Variants in ZRANB3 observed in about 807,000 individuals in gnomAD.
ZRANB3 encodes zinc finger RANBP2-type containing 3.
Under a neutral mutation model 133.8 loss-of-function variants are expected in ZRANB3, and 125 were observed. The observed-to-expected ratio is 0.93, with a 90% CI of 0.81 to 1.08. The LOEUF (loss-of-function observed/expected upper bound fraction) is 1.08. Among genes scored for constraint, ZRANB3 ranks in the 50% least tolerant of loss-of-function variants. The pLI is 0.00. For synonymous variants in ZRANB3, 387 were observed against 432.7 expected (o/e 0.89, Z 1.31); for missense variants, 1,229 against 1,275.5 (o/e 0.96, Z 0.56).
At chr2:135,480,945 C>A (rs1347329524) in intron 2 of ZRANB3, among the ~76,000 whole-genome samples, 3 of 148,040 alleles carry the variant, frequency 2.0e-5, no homozygotes, top group Admixed American at 6.7e-5. Context: ...GACATGAACT[C>A]ATCATTTTTT....
intron 8 of ZRANB3, among the ~76,000 whole-genome samples, chr2:135,293,790 G>A (rs2104798288): frequency 6.6e-6 from 1 of 150,622 alleles, no homozygotes; most frequent in East Asian, 1.9e-4. Flanking sequence ...AATTTATTGA[G>A]AGTGTTTAGC....
Position 135,199,370 on chromosome 2 carries a change from C to G in ZRANB3, c.*972G>C, listed in dbSNP as rs1693524836. 6.6e-6 allele frequency: 1 copy of G among 152,128 alleles called. No homozygotes were observed. The highest frequency in any genetic ancestry group is 1.5e-5 in the Non-Finnish European group (1 of 68,084). The allele number at this position is 152,128 out of a possible 1,614,324, so 9.4% of individuals were successfully genotyped here. On this transcript the variant is annotated 3_prime_UTR_variant, in exon 21 of 21. Coordinates refer to ENST00000264159, the MANE Select transcript of ZRANB3 (RefSeq NM_032143.4). The stretch of plus-strand genomic sequence containing the variant: ...GGAGTTCAATGGCGTGATCTCGGCT[C>G]ACTGCAACCTCTGCTTCCCGGGTTC...
intron 3 of ZRANB3, among the ~76,000 whole-genome samples, chr2:135,372,937 C>T (rs1686252409): frequency 6.6e-6 from 1 of 151,622 alleles, no homozygotes; most frequent in Admixed American, 6.6e-5. Flanking sequence ...AAAAAATTAG[C>T]CTGATGTGGT....
intron 2 of ZRANB3, among the ~76,000 whole-genome samples, chr2:135,398,175 C>G (rs929044027): frequency 6.6e-6 from 1 of 151,950 alleles, no homozygotes; most frequent in African/African-American, 2.4e-5. Context: ...ACGCCATTCT[C>G]CTGCCTCAGC....
intron 2 of ZRANB3, among the ~76,000 whole-genome samples, chr2:135,396,413 C>T (rs1687487002): frequency 6.6e-6 from 1 of 152,132 alleles, no homozygotes; most frequent in Admixed American, 6.5e-5. Flanking sequence ...AAACAACCTA[C>T]ATGTCCATCA....
chr2:135,483,154 C>T (rs1288989832), intron 2 of ZRANB3, among the ~76,000 whole-genome samples: 2 of 151,748 alleles, frequency 1.3e-5, no homozygotes, highest in African/African-American at 4.9e-5. Flanking sequence ...GGAGGATTCC[C>T]TCTTTTTCTA....
At chr2:135,363,563 T>C (rs1685787302) in intron 3 of ZRANB3, among the ~76,000 whole-genome samples, 1 of 152,124 alleles carries the variant, frequency 6.6e-6, no homozygotes, top group South Asian at 2.1e-4. Flanking sequence ...CCACTTGCAT[T>C]GTAGTATAGG....
chr2:135,402,097 G>A (rs1687758895), intron 2 of ZRANB3, among the ~76,000 whole-genome samples: 1 of 151,608 alleles, frequency 6.6e-6, no homozygotes, highest in South Asian at 2.1e-4. Flanking sequence ...GTTTTGGTGT[G>A]TACATATTTA....
intron 11 of ZRANB3, among the ~76,000 whole-genome samples, chr2:135,267,697 TA>T (rs1680313945): frequency 6.6e-6 from 1 of 152,212 alleles, no homozygotes; most frequent in Non-Finnish European, 1.5e-5. Flanking sequence ...TTTATTCTAA[TA>T]TTTATATGCT....
intron 3 of ZRANB3, chr2:135,355,197 C>G (rs1410288677): frequency 1.0e-6 from 1 of 982,886 alleles, no homozygotes; most frequent in Non-Finnish European, 1.2e-6. Context: ...AAAAAGCAAT[C>G]TTAGAATTCA....
At chr2:135,376,462 A>G (rs72984432) in intron 3 of ZRANB3, among the ~76,000 whole-genome samples, 2,142 of 152,322 alleles carry the variant, frequency 0.014, 55 homozygotes, top group African/African-American at 0.05. Flanking sequence ...TTGTGAACGA[A>G]AAAACGAACT....
At position 135,315,486 on chromosome 2, in the gene ZRANB3, T is replaced by C. The variant is rs1157775544; in HGVS notation, c.722A>G (p.Asn241Ser). 1 of 1,591,300 alleles carries C rather than the reference T, an allele frequency of 6.3e-7. No homozygotes were observed. The highest frequency in any genetic ancestry group is 8.5e-7 in the Non-Finnish European group (1 of 1,171,174). Residue 241 changes from asparagine to serine, a missense_variant, in exon 7 of 21, where the codon AAT (asparagine) becomes AGT (serine). Physicochemically the swap from Asn to Ser is conservative, Grantham distance 46. Coordinates refer to ENST00000264159, the MANE Select transcript of ZRANB3 (RefSeq NM_032143.4). ...RPQWDCRGAS[N>S]LNELHQLLSD... Reference sequence around the variant, plus strand: ...TAATAGCTGGTGAAGTTCATTAAGATTTGATGCCCCTCTACAATCCCACTG... The same window carrying C: ...TAATAGCTGGTGAAGTTCATTAAGACTTGATGCCCCTCTACAATCCCACTG...
At chr2:135,387,463 T>G (rs1687032861) in intron 3 of ZRANB3, among the ~76,000 whole-genome samples, 2 of 152,210 alleles carry the variant, frequency 1.3e-5, no homozygotes, top group South Asian at 2.1e-4. Flanking sequence ...CATGGTAAGA[T>G]TCCATAAAAA....
chr2:135,309,463 G>A (rs1333425675), intron 8 of ZRANB3, among the ~76,000 whole-genome samples: 3 of 152,264 alleles, frequency 2.0e-5, no homozygotes, highest in African/African-American at 7.2e-5. Context: ...ATGTCTTTAT[G>A]TGCAGACAAA....
At chr2:135,246,044 T>C (rs903409324) in intron 12 of ZRANB3, among the ~76,000 whole-genome samples, 2 of 143,696 alleles carry the variant, frequency 1.4e-5, no homozygotes, top group South Asian at 2.3e-4. Context: ...TCTTTCTTTT[T>C]TTTTTTTTTT....
intron 2 of ZRANB3, among the ~76,000 whole-genome samples, chr2:135,393,785 C>T (rs1687351653): frequency 6.6e-6 from 1 of 152,120 alleles, no homozygotes; most frequent in Admixed American, 6.5e-5. Context: ...TGGTACTGGT[C>T]TAATCATCAA....
chr2:135,308,209 A>G (rs539217393), intron 8 of ZRANB3, among the ~76,000 whole-genome samples: 56 of 152,262 alleles, frequency 3.7e-4, no homozygotes, highest in South Asian at 6.2e-4. Flanking sequence ...CTACCCTGGC[A>G]GTAACAGATC....
intron 12 of ZRANB3, among the ~76,000 whole-genome samples, chr2:135,243,244 G>C (rs994942452): frequency 1.3e-5 from 2 of 152,186 alleles, no homozygotes; most frequent in Non-Finnish European, 1.5e-5. Context: ...GGCTGGGCGC[G>C]GTGGCTCACG....
Position 135,400,017 on chromosome 2 carries a change from G to A in ZRANB3, c.162-9197C>T, listed in dbSNP as rs575456860. On this transcript the variant is annotated intron_variant, in intron 2 of 20. Coordinates refer to ENST00000264159, the MANE Select transcript of ZRANB3 (RefSeq NM_032143.4). ...AGCAATTTGGAAGGCCAAGGCAGGC[G>A]GATTAAGAGGTCAAGAGTTTGAGAC... 1.4e-4 allele frequency among the ~76,000 whole-genome samples: 22 copies of A among 152,200 alleles called. No individual in the cohort carries two copies. The East Asian group carries it at 1.7e-3, about 12-fold the overall frequency.
Sources: allele counts gnomAD v4.1 joint callset (sites outside exome capture counted in the v4.1 genomes callset), GRCh38; gene constraint gnomAD v4.1.1; transcripts MANE v1.5; gene names NCBI Gene and HGNC (gene_info 2026-07-23, HGNC 2026-07-21).